Variants in IRAG2 observed in about 807,000 individuals in gnomAD.
The protein encoded by IRAG2 is lymphoid restricted membrane protein.
A neutral mutation model predicts 69.9 loss-of-function variants in IRAG2; 45 were observed. The observed-to-expected ratio is 0.64, with a 90% CI of 0.51 to 0.83. The LOEUF is 0.83. IRAG2 is among the 40% of genes least tolerant of loss of function. The probability of loss-of-function intolerance (pLI) is 0.00; values close to 1 mark genes in which losing one functional copy is unlikely to be tolerated. For missense variants in IRAG2, 520 were observed against 587.0 expected (o/e 0.89, Z 1.18); for synonymous variants, 193 against 202.4 (o/e 0.95, Z 0.40).
chr12:25,017,113 C>A (rs1356784672), intron 5 of IRAG2: 2 of 1,230,760 alleles, frequency 1.6e-6, no homozygotes, highest in South Asian at 4.1e-5. Flanking sequence ...AGGTTATTCT[C>A]ATCTATTCTT....
intron 15 of IRAG2, chr12:25,100,754 GTCT>G (rs1948707271): frequency 6.5e-6 from 1 of 153,000 alleles, no homozygotes; most frequent in African/African-American, 2.4e-5. Flanking sequence ...ACTGTATGTA[GTCT>G]TTCACCAAAA....
At chr12:25,027,530 G>T (rs1027024001) in intron 9 of IRAG2, among the ~76,000 whole-genome samples, 1 of 151,756 alleles carries the variant, frequency 6.6e-6, no homozygotes, top group Non-Finnish European at 1.5e-5. Flanking sequence ...GAGTAGCTGG[G>T]CCTACAGGCA....
Position 25,104,447 on chromosome 12 carries a change from A to C in IRAG2, c.1133A>C (p.Glu378Ala). ...STYSWADAEE[E>A]KCELKTKDDS... ...TATTCCTGGGCAGATGCTGAAGAAG[A>C]AAAATGTGAACTAAAGTAGGTGAAG... is the stretch of plus-strand genomic sequence containing the variant. Residue 378 changes from glutamate (E) to alanine (A), a missense_variant, in exon 20 of 22, where the codon GAA becomes GCA. By Grantham distance (107) the Glu-to-Ala change is moderately radical (BLOSUM62 -1). Transcript: ENST00000556887. The C allele has an allele frequency of 6.2e-7, 1 of 1,606,484 alleles. No individual in the cohort carries two copies. Among genetic ancestry groups the C allele is most frequent in the Non-Finnish European group, 8.5e-7 (1 of 1,173,094 alleles).
At chr12:25,090,379 CAAAAA>C (rs56280849) in intron 14 of IRAG2, among the ~76,000 whole-genome samples, 182 bp downstream of exon 14, 1 of 143,974 alleles carries the variant, frequency 6.9e-6, no homozygotes, top group Non-Finnish European at 1.5e-5. Context: ...CCATCTCTAC[CAAAAA>C]AAAAAAAAAA....
chr12:25,017,408 AATTC>A (rs1944539281), intron 6 of IRAG2: 1 of 986,872 alleles, frequency 1.0e-6, no homozygotes, highest in Non-Finnish European at 1.3e-6. Flanking sequence ...TAAAGTATAC[AATTC>A]AGTGTTTTTA....
At chr12:25,029,699 A>C (rs1455437828) in intron 9 of IRAG2, among the ~76,000 whole-genome samples, 1 of 151,838 alleles carries the variant, frequency 6.6e-6, no homozygotes, top group Non-Finnish European at 1.5e-5. Context: ...TTAGTTTTAG[A>C]GATGAGAGTC....
intron 14 of IRAG2, 58 bp downstream of exon 14, chr12:25,090,255 C>T (rs770921730): frequency 6.6e-7 from 1 of 1,510,232 alleles, no homozygotes; most frequent in Non-Finnish European, 9.0e-7. Context: ...CAGTGGCTCA[C>T]ACCTATAATC....
At chr12:25,065,937 T>C (rs938951904) in intron 4 of IRAG2, among the ~76,000 whole-genome samples, 2 of 152,166 alleles carry the variant, frequency 1.3e-5, no homozygotes, top group Non-Finnish European at 2.9e-5. Flanking sequence ...CCTAAAGTGC[T>C]GGGATTACAG....
intron 11 of IRAG2, among the ~76,000 whole-genome samples, chr12:25,088,652 A>G (rs1204184027): frequency 2.0e-5 from 3 of 152,200 alleles, no homozygotes; most frequent in Non-Finnish European, 4.4e-5. Context: ...TGCAAGAGGA[A>G]AATGAAAAGA....
intron 14 of IRAG2, among the ~76,000 whole-genome samples, chr12:25,036,293 GA>G (rs1944701572): frequency 6.6e-6 from 1 of 152,132 alleles, no homozygotes; most frequent in Non-Finnish European, 1.5e-5. Flanking sequence ...GTACATTTTA[GA>G]ACGGTAAAAA....
chr12:25,053,942 C>CA (rs1945048004), intron 1 of IRAG2, among the ~76,000 whole-genome samples: 2 of 152,020 alleles, frequency 1.3e-5, no homozygotes, highest in Middle Eastern at 3.4e-3. Context: ...TTTAAAATAG[C>CA]AATGGTTTGC....
chr12:25,076,148 G>T (rs1439878497), intron 6 of IRAG2, among the ~76,000 whole-genome samples: 1 of 152,084 alleles, frequency 6.6e-6, no homozygotes, highest in African/African-American at 2.4e-5. Context: ...GACCAAACTT[G>T]TGAAAACTTA....
At chr12:25,036,390 A>G (rs182515793) in intron 14 of IRAG2, among the ~76,000 whole-genome samples, 1 of 152,336 alleles carries the variant, frequency 6.6e-6, no homozygotes, top group African/African-American at 2.4e-5. Flanking sequence ...CAACATGTAT[A>G]GAGCACCTGA....
intron 16 of IRAG2, among the ~76,000 whole-genome samples, chr12:25,101,546 C>A (rs1232345957): frequency 6.6e-6 from 1 of 152,134 alleles, no homozygotes; most frequent in Non-Finnish European, 1.5e-5. Flanking sequence ...TTTATTAACT[C>A]AATTTAGATT....
chr12:25,060,065 A>G (rs1167064454), intron 1 of IRAG2, among the ~76,000 whole-genome samples: 1 of 152,158 alleles, frequency 6.6e-6, no homozygotes, highest in Non-Finnish European at 1.5e-5. Flanking sequence ...GTAGCTATTA[A>G]TATGCTTCCA....
intron 16 of IRAG2, 174 bp from the exon 17 acceptor site, chr12:25,102,024 T>C (rs1015949208): frequency 1.0e-5 from 7 of 696,878 alleles, no homozygotes; most frequent in Admixed American, 6.0e-5. Flanking sequence ...TTGGTTAAGA[T>C]GGTAATTGTT....
chr12:25,074,151 T>C lies in IRAG2; in HGVS notation c.24+4720T>C, dbSNP rs142053461. Among the ~76,000 whole-genome samples, 803 of 152,366 alleles carry C rather than the reference T, an allele frequency of 5.3e-3. 6 individuals carry two copies. Among genetic ancestry groups the C allele is most frequent in the African/African-American group, 0.018 (748 of 41,580 alleles). Reference sequence around the variant, plus strand: ...ATAGACATTGATTTTCATAGTTCTTTTGAGGATTCAAATAAACACACACAA... The same window carrying C: ...ATAGACATTGATTTTCATAGTTCTTCTGAGGATTCAAATAAACACACACAA... On this transcript the variant is annotated intron_variant, in intron 6 of 21. Transcript: ENST00000556887.
upstream of IRAG2, among the ~76,000 whole-genome samples, chr12:25,003,054 T>C (rs1417420274): frequency 6.6e-6 from 1 of 152,212 alleles, no homozygotes; most frequent in South Asian, 2.1e-4. Context: ...GAAACTGCAC[T>C]GGCTAGAACT....
chr12:25,051,160 A>AAGAG (rs1270615854), upstream of IRAG2, among the ~76,000 whole-genome samples: 2 of 151,916 alleles, frequency 1.3e-5, no homozygotes, highest in Non-Finnish European at 2.9e-5. Context: ...AAGAGAGAAA[A>AAGAG]AGAGAGTGAG....
Sources: allele counts gnomAD v4.1 joint callset (sites outside exome capture counted in the v4.1 genomes callset), GRCh38; gene constraint gnomAD v4.1.1; transcripts MANE v1.5; gene names NCBI Gene and HGNC (gene_info 2026-07-23, HGNC 2026-07-21).